The following OR52I2 variants were observed in gnomAD, a reference collection of about 807,000 sequenced individuals.
The protein encoded by OR52I2 is olfactory receptor family 52 subfamily I member 2.
For synonymous variants in OR52I2, 147 were observed against 151.9 expected (o/e 0.97, Z 0.24); for missense variants, 350 against 402.4 (o/e 0.87, Z 1.11).
exon 2 of OR52I2, chr11:4,587,417 A>G (rs980251201): frequency 1.9e-6 from 3 of 1,613,962 alleles, no homozygotes; most frequent in Admixed American, 1.7e-5. Flanking sequence ...TGTGGCTCCA[A>G]TGTGGTTGTC....
chr11:4,582,433 CATTTT>C (rs1371678951), intron 1 of OR52I2, among the ~76,000 whole-genome samples: 108 of 74,686 alleles, frequency 1.4e-3, no homozygotes, highest in African/African-American at 4.1e-3. Flanking sequence ...ATTTATTTTT[CATTTT>C]TTTTTTTTTT....
rs1440663785 is a variant in OR52I2 at position 4,587,468 on chromosome 11, G to A, written c.578G>A (p.Cys193Tyr). 6.8e-6 allele frequency: 11 copies of A among 1,614,192 alleles called. No individual in the cohort carries two copies. Among genetic ancestry groups the A allele is most frequent in the Non-Finnish European group, 9.3e-6 (11 of 1,180,020 alleles). The change falls in exon 2 of 2, where the codon TGT becomes TAT. Residue 193 changes from cysteine (C) to tyrosine (Y), a missense_variant. Cys to Tyr is a radical substitution (Grantham distance 194). Transcript: ENST00000641896. Reference sequence around the variant, plus strand: ...CACATAGCTTTGGCCAGGTTAGCATGTGCTGACCCCGTGCCCAGCAGTCTC... The same window carrying A: ...CACATAGCTTTGGCCAGGTTAGCATATGCTGACCCCGTGCCCAGCAGTCTC...
At chr11:4,587,403 T>C in exon 2 of OR52I2, 1 of 1,613,980 alleles carries the variant, frequency 6.2e-7, no homozygotes, top group African/African-American at 1.3e-5. Flanking sequence ...GTCATCTACC[T>C]TTCTGTGGCT....
exon 2 of OR52I2, chr11:4,587,063 C>G: frequency 6.2e-7 from 1 of 1,614,160 alleles, no homozygotes; most frequent in South Asian, 1.1e-5. Flanking sequence ...ATGGATTCCA[C>G]TCGGCATGAG....
At chr11:4,583,125 C>T (rs1846272161) in intron 1 of OR52I2, among the ~76,000 whole-genome samples, 2 of 151,982 alleles carry the variant, frequency 1.3e-5, no homozygotes, top group Admixed American at 1.3e-4. Flanking sequence ...TGATCTTAGC[C>T]AAGAAATTTT....
chr11:4,586,402 G>T (rs1846301173), intron 1 of OR52I2, among the ~76,000 whole-genome samples: 1 of 152,170 alleles, frequency 6.6e-6, no homozygotes, highest in East Asian at 1.9e-4. Flanking sequence ...CCTTCATTCT[G>T]TGGAAACTTA....
exon 2 of OR52I2, chr11:4,587,978 C>T (rs1011700624): frequency 1.2e-6 from 1 of 845,522 alleles, no homozygotes; most frequent in African/African-American, 1.7e-5. Context: ...GATATCCTTG[C>T]ATAACTTTTC....
At chr11:4,590,771 C>G (rs995523490) in exon 2 of OR52I2, 14 of 152,290 alleles carry the variant, frequency 9.2e-5, no homozygotes, top group African/African-American at 3.4e-4. Flanking sequence ...TTTTTTCTTT[C>G]ACTCTTCACT....
chr11:4,584,868 C>T (rs1366390291), intron 1 of OR52I2, among the ~76,000 whole-genome samples: 1 of 152,070 alleles, frequency 6.6e-6, no homozygotes, highest in Non-Finnish European at 1.5e-5. Context: ...TAGTGGTCTT[C>T]AAGTCACACA....
At chr11:4,586,647 C>G (rs1846303533) in intron 1 of OR52I2, 2 of 637,934 alleles carry the variant, frequency 3.1e-6, no homozygotes, top group Non-Finnish European at 5.4e-6. Context: ...AAAGGCTTTC[C>G]AAAGGAGGTA....
At chr11:4,583,542 C>T (rs924231443) in intron 1 of OR52I2, among the ~76,000 whole-genome samples, 1 of 152,192 alleles carries the variant, frequency 6.6e-6, no homozygotes, top group African/African-American at 2.4e-5. Context: ...CAAGCATATC[C>T]TGAATTTTCT....
chr11:4,587,035 A>G (rs1589843421), exon 2 of OR52I2: 1 of 1,614,052 alleles, frequency 6.2e-7, no homozygotes. Flanking sequence ...AAACACCATC[A>G]TCGTGACTGC....
chr11:4,581,929 G>C (rs1447984005), intron 1 of OR52I2, 65 bp downstream of exon 1: 2 of 152,274 alleles, frequency 1.3e-5, no homozygotes, highest in East Asian at 3.9e-4. Context: ...CTGATGACCT[G>C]ACATCAAGGC....
At chr11:4,584,865 C>CT (rs1421628793) in intron 1 of OR52I2, among the ~76,000 whole-genome samples, 1 of 152,086 alleles carries the variant, frequency 6.6e-6, no homozygotes, top group Non-Finnish European at 1.5e-5. Flanking sequence ...TAATAGTGGT[C>CT]TTCAAGTCAC....
At chr11:4,590,292 C>T (rs1311665546) in exon 2 of OR52I2, 1 of 152,058 alleles carries the variant, frequency 6.6e-6, no homozygotes, top group African/African-American at 2.4e-5. Context: ...TCAAGTAAAA[C>T]AAAAGGAAAA....
chr11:4,586,857 T>C lies in OR52I2; in HGVS notation c.-19-15T>C, dbSNP rs775005094. ...GGGATTGCATTCTTCTCATACATCA[T>C]TTGTGCATTAACAGGAAAAAAGTCT... On this transcript the variant is annotated splice_polypyrimidine_tract_variant and intron_variant, in intron 1 of 1. Coordinates refer to ENST00000641896, the Ensembl canonical transcript of OR52I2. 5.9e-5 allele frequency: 95 copies of C among 1,613,998 alleles called. No homozygotes were observed. In the East Asian group the frequency reaches 1.2e-3, roughly 20 times the overall value.
chr11:4,584,718 G>T (rs991011942), intron 1 of OR52I2, among the ~76,000 whole-genome samples: 2 of 152,206 alleles, frequency 1.3e-5, no homozygotes, highest in African/African-American at 4.8e-5. Context: ...TAATGGGACA[G>T]ATAGTGGGCT....
exon 2 of OR52I2, chr11:4,587,661 A>G (rs1335668211): frequency 1.2e-6 from 2 of 1,614,136 alleles, no homozygotes; most frequent in East Asian, 2.2e-5. Flanking sequence ...TGTACTATCT[A>G]CCTGGGATGG....
intron 1 of OR52I2, among the ~76,000 whole-genome samples, chr11:4,583,045 G>T (rs1352673432): frequency 6.6e-6 from 1 of 152,218 alleles, no homozygotes; most frequent in Non-Finnish European, 1.5e-5. Context: ...ACAGGCAGTT[G>T]TGTGAGATGT....
Sources: allele counts gnomAD v4.1 joint callset (sites outside exome capture counted in the v4.1 genomes callset), GRCh38; gene constraint gnomAD v4.1.1; transcripts MANE v1.5; gene names NCBI Gene and HGNC (gene_info 2026-07-23, HGNC 2026-07-21).